MARCOL: variants seen among roughly 807,000 people sequenced by gnomAD.
MARCOL encodes the protein MARCO-like protein.
chr5:148,239,801 C>A (rs1038210611), intron 1 of MARCOL, among the ~76,000 whole-genome samples: 1 of 151,802 alleles, frequency 6.6e-6, no homozygotes, highest in Non-Finnish European at 1.5e-5. Context: ...ACTGTTGTGA[C>A]CTTCAGTGCC....
intron 1 of MARCOL, among the ~76,000 whole-genome samples, chr5:148,241,805 G>T (rs1755969259): frequency 6.6e-6 from 1 of 152,044 alleles, no homozygotes; most frequent in South Asian, 2.1e-4. Flanking sequence ...AAAATAGAAA[G>T]AAGAAATATA....
At chr5:148,239,718 G>A (rs1333281690) in intron 1 of MARCOL, among the ~76,000 whole-genome samples, 1 of 151,880 alleles carries the variant, frequency 6.6e-6, no homozygotes, top group Non-Finnish European at 1.5e-5. Flanking sequence ...TGTTTTAAAG[G>A]GGGAAAACAG....
At chr5:148,242,079 G>T (rs1581153949) in intron 1 of MARCOL, among the ~76,000 whole-genome samples, 2 of 152,206 alleles carry the variant, frequency 1.3e-5, no homozygotes, top group Middle Eastern at 6.8e-3. Context: ...TAAAGTACTT[G>T]GTGTGAAAAA....
In MARCOL at chr5:148,243,384, C is replaced by G; in HGVS notation, c.*130C>G. 1 of 396,596 alleles carries G rather than the reference C, an allele frequency of 2.5e-6. No individual in the cohort carries two copies. The allele number at this position is 396,596 out of a possible 1,614,324, so 24.6% of individuals were successfully genotyped here. On this transcript the variant is annotated 3_prime_UTR_variant, in exon 2 of 2. Transcript: ENST00000638089. ...AGTGTCATCTAGCCAACAAGGGAAG[C>G]CAGTGTCATCTAGCCAACAAGGGAA... is the stretch of plus-strand genomic sequence containing the variant.
At chr5:148,240,435 G>A (rs1203404610) in intron 1 of MARCOL, among the ~76,000 whole-genome samples, 1 of 151,350 alleles carries the variant, frequency 6.6e-6, no homozygotes, top group African/African-American at 2.4e-5. Flanking sequence ...TAAATGTGAT[G>A]GTGTCTTAGG....
chr5:148,238,755 A>G (rs1331264261), intron 1 of MARCOL, 109 bp downstream of exon 1: 1 of 395,466 alleles, frequency 2.5e-6, no homozygotes, highest in Non-Finnish European at 4.5e-6. Context: ...TAGGCAATCC[A>G]TCAGACAGAG....
chr5:148,240,780 G>A (rs1244854279), intron 1 of MARCOL, among the ~76,000 whole-genome samples: 1 of 151,662 alleles, frequency 6.6e-6, no homozygotes, highest in African/African-American at 2.4e-5. Flanking sequence ...TCATCTCTCA[G>A]CTAAAAAAAA....
Position 148,243,071 on chromosome 5 carries a change from T to C in MARCOL, c.675T>C (p.Ser225=). The C allele has an allele frequency of 2.5e-6, 1 of 397,154 alleles. No individual in the cohort carries two copies. 24.6% of individuals were successfully genotyped at this position (397,154 alleles called of 1,614,324 possible). The stretch of plus-strand genomic sequence containing the variant: ...GCCAACAAGGAAATCTAGGAACTTC[T>C]GGCCAACAGGAGAAGCCAGGATCTT... ...SSSQQGNLGT[S]GQQEKPGSSS... Residue 225 remains serine, a synonymous_variant, in exon 2 of 2, where the codon TCT becomes TCC. Transcript: ENST00000638089.
At chr5:148,238,765 G>T (rs1755932873) in intron 1 of MARCOL, 119 bp downstream of exon 1, 1 of 394,358 alleles carries the variant, frequency 2.5e-6, no homozygotes, top group Non-Finnish European at 4.5e-6. Context: ...ATCAGACAGA[G>T]AAATGGAAGA....
intron 1 of MARCOL, among the ~76,000 whole-genome samples, chr5:148,242,002 C>A (rs1227197513): frequency 2.0e-5 from 3 of 152,162 alleles, no homozygotes; most frequent in Non-Finnish European, 2.9e-5. Context: ...GGGCTCACGT[C>A]TGCCAGCCTT....
chr5:148,243,568 G>C lies in MARCOL; in HGVS notation c.*314G>C. 4.1e-5 allele frequency: 11 copies of C among 267,638 alleles called. No homozygotes were observed. The highest frequency in any genetic ancestry group is 6.5e-5 in the East Asian group (1 of 15,410). 16.6% of individuals were successfully genotyped at this position (267,638 alleles called of 1,614,324 possible). ...AAATTAAGGTCATTTTACAACCAACGACAAAGAAAAAATATTGACAGCACT... is the reference window on the plus strand; with the variant it reads ...AAATTAAGGTCATTTTACAACCAACCACAAAGAAAAAATATTGACAGCACT... On this transcript the variant is annotated 3_prime_UTR_variant, in exon 2 of 2. Coordinates refer to ENST00000638089, the MANE Select transcript of MARCOL (RefSeq NM_001363511.2).
chr5:148,239,801 C>T (rs1038210611), intron 1 of MARCOL, among the ~76,000 whole-genome samples: 3 of 151,802 alleles, frequency 2.0e-5, no homozygotes, highest in Non-Finnish European at 4.4e-5. Flanking sequence ...ACTGTTGTGA[C>T]CTTCAGTGCC....
At chr5:148,239,914 A>G (rs567446571) in intron 1 of MARCOL, among the ~76,000 whole-genome samples, 1 of 152,064 alleles carries the variant, frequency 6.6e-6, no homozygotes, top group Admixed American at 6.6e-5. Flanking sequence ...CAGAAAAGCA[A>G]TACTAAGCGC....
At chr5:148,241,524 C>CAA (rs71001486) in intron 1 of MARCOL, among the ~76,000 whole-genome samples, 3,066 of 126,282 alleles carry the variant, frequency 0.024, 135 homozygotes, top group African/African-American at 0.089. Flanking sequence ...ACACTTCTAC[C>CAA]AAAAAAAAAA....
At chr5:148,242,075 A>G (rs920344522) in intron 1 of MARCOL, among the ~76,000 whole-genome samples, 4 of 152,150 alleles carry the variant, frequency 2.6e-5, no homozygotes, top group Non-Finnish European at 5.9e-5. Context: ...GGACTAAAGT[A>G]CTTGGTGTGA....
chr5:148,242,405 A>C (rs977617274), intron 1 of MARCOL, 41 bp from the exon 2 acceptor site: 6 of 397,394 alleles, frequency 1.5e-5, no homozygotes, highest in Non-Finnish European at 2.7e-5. Context: ...TAATGTATAT[A>C]ACTTTATTTT....
chr5:148,239,828 G>A (rs1755945442), intron 1 of MARCOL, among the ~76,000 whole-genome samples: 1 of 151,734 alleles, frequency 6.6e-6, no homozygotes, highest in African/African-American at 2.4e-5. Flanking sequence ...AGTGCTAGAA[G>A]GTATTTTGTG....
chr5:148,243,510 G>A lies in MARCOL; in HGVS notation c.*256G>A, dbSNP rs952946943. ...AGGAAATATAGGGTCATCTGGCCAG[G>A]AATGGAAGCCAGAGCCATCTAGCCA... On this transcript the variant is annotated 3_prime_UTR_variant, in exon 2 of 2. Transcript: ENST00000638089. 2 of 355,742 alleles carry A rather than the reference G, an allele frequency of 5.6e-6. No homozygotes were observed. Among genetic ancestry groups the A allele is most frequent in the Non-Finnish European group, 5.0e-6 (1 of 199,600 alleles). 22.0% of individuals were successfully genotyped at this position (355,742 alleles called of 1,614,324 possible). A position where few individuals can be genotyped will look rare whatever the true frequency, so the allele number is the denominator to read the frequency against.
chr5:148,243,445 C>T lies in MARCOL; in HGVS notation c.*191C>T. 1 of 390,686 alleles carries T rather than the reference C, an allele frequency of 2.6e-6. No individual in the cohort carries two copies. The highest frequency in any genetic ancestry group is 4.5e-6 in the Non-Finnish European group (1 of 221,376). The allele number at this position is 390,686 out of a possible 1,614,324, so 24.2% of individuals were successfully genotyped here. On this transcript the variant is annotated 3_prime_UTR_variant, in exon 2 of 2. Transcript: ENST00000638089. Reference sequence around the variant, plus strand: ...TCTAACCAGCAAGGAGATCTAGGATCTTCTAAGCAGCAGGGGAAGCCAGGA... The same window carrying T: ...TCTAACCAGCAAGGAGATCTAGGATTTTCTAAGCAGCAGGGGAAGCCAGGA...
Sources: gnomAD v4.1 joint callset for allele counts (sites outside exome capture counted in the v4.1 genomes callset) on GRCh38, gnomAD v4.1.1 for gene constraint, MANE v1.5 for transcripts, NCBI Gene and HGNC (gene_info 2026-07-23, HGNC 2026-07-21) for gene names.